The following USP54 variants were observed in gnomAD, a reference collection of about 807,000 sequenced individuals.
The protein encoded by USP54 is ubiquitin carboxyl-terminal hydrolase 54.
Under a neutral mutation model 170.5 loss-of-function variants are expected in USP54, and 87 were observed. The ratio of observed to expected loss-of-function variants is 0.51; its 90% CI spans 0.43 to 0.61. USP54 has a LOEUF of 0.61. Among genes scored for constraint, USP54 ranks in the 20% least tolerant of loss-of-function variants. USP54 has a pLI of 0.00. For synonymous variants in USP54, 655 were observed against 742.8 expected (o/e 0.88, Z 1.92); for missense variants, 1,786 against 2,047.8 (o/e 0.87, Z 2.47).
rs1451689800 is a variant in USP54 at position 73,614,447 on chromosome 10, G to C, written c.-18+11120C>G. Among the ~76,000 whole-genome samples the C allele has an allele frequency of 1.3e-5, 2 of 148,198 alleles. 1 individual carries two copies. On this transcript the variant is annotated intron_variant, in intron 1 of 22. Coordinates refer to the USP54 transcript ENST00000339859. ...GTAGTGGTATGCACCTGTAGTCCCAGCTACTCCAGAGGTTGAGGCAGAGAA... is the reference window on the plus strand; with the variant it reads ...GTAGTGGTATGCACCTGTAGTCCCACCTACTCCAGAGGTTGAGGCAGAGAA...
At chr10:73,570,550 CTTTTTT>C (rs554652532) in intron 4 of USP54, among the ~76,000 whole-genome samples, 2 of 132,264 alleles carry the variant, frequency 1.5e-5, no homozygotes, top group Non-Finnish European at 3.3e-5. Context: ...TTTCCTTTTT[CTTTTTT>C]TTTTTTTTTT....
rs193018106 is a variant in USP54, at chr10:73,533,351, T to C, written c.1315+1249A>G. Among the ~76,000 whole-genome samples, 118 of 152,224 alleles carry C rather than the reference T, an allele frequency of 7.8e-4. 2 individuals carry two copies. The highest frequency in any genetic ancestry group is 7.7e-4 in the East Asian group (4 of 5,190). On this transcript the variant is annotated intron_variant, in intron 12 of 23. Transcript: ENST00000687698. ...GCTATGTTTAAAAAGTGATTTCTTA[T>C]GTTTGAGCAAACATAAGATATATTT...
At chr10:73,583,963 A>C (rs2077183658) in intron 1 of USP54, among the ~76,000 whole-genome samples, 1 of 152,220 alleles carries the variant, frequency 6.6e-6, no homozygotes, top group Non-Finnish European at 1.5e-5. Flanking sequence ...TAAATTCAAA[A>C]TAAAAAACAT....
chr10:73,598,664 C>A (rs1002553750), intron 1 of USP54, among the ~76,000 whole-genome samples: 5 of 151,962 alleles, frequency 3.3e-5, no homozygotes, highest in South Asian at 2.1e-4. Flanking sequence ...GTAATCCCAG[C>A]ACTTTGGGAG....
In USP54 at chr10:73,508,793, G is replaced by C. The variant is rs558756924; in HGVS notation, c.4052-3367C>G. Among the ~76,000 whole-genome samples, 10 of 150,898 alleles carry C rather than the reference G, an allele frequency of 6.6e-5. No individual in the cohort carries two copies. The East Asian group carries it at 1.8e-3, about 27-fold the overall frequency. On this transcript the variant is annotated intron_variant, in intron 20 of 23. Coordinates refer to ENST00000687698, the MANE Select transcript of USP54 (RefSeq NM_001391956.1). ...AGGGATTCTCCTGCCTCAGCCTCCC[G>C]AGTAGCTGGGACTACAGGTGCATGC...
chr10:73,600,642 A>G (rs1268541970), intron 1 of USP54, among the ~76,000 whole-genome samples: 1 of 152,220 alleles, frequency 6.6e-6, no homozygotes, highest in East Asian at 1.9e-4. Flanking sequence ...GGCCAGGCGC[A>G]GGGGCTCGCG....
chr10:73,615,617 T>A (rs1157407186), intron 1 of USP54, among the ~76,000 whole-genome samples: 1 of 150,006 alleles, frequency 6.7e-6, no homozygotes, highest in Non-Finnish European at 1.5e-5. Context: ...CACAAAAAAA[T>A]AAAATATTTT....
chr10:73,557,395 A>G (rs1467574280), intron 4 of USP54, among the ~76,000 whole-genome samples: 3 of 151,254 alleles, frequency 2.0e-5, no homozygotes, highest in African/African-American at 4.9e-5. Context: ...AATCTCGCTC[A>G]CTGCAACCAC....
At chr10:73,607,037 C>T (rs2079703447) in intron 1 of USP54, among the ~76,000 whole-genome samples, 1 of 151,888 alleles carries the variant, frequency 6.6e-6, no homozygotes, top group Non-Finnish European at 1.5e-5. Context: ...TGACCAGGCA[C>T]AGAGGCTCAT....
At chr10:73,594,116 G>C (rs1457821443), upstream of USP54, among the ~76,000 whole-genome samples, 2 of 151,954 alleles carry the variant, frequency 1.3e-5, no homozygotes, top group Non-Finnish European at 2.9e-5. Flanking sequence ...TGTCACCCAG[G>C]CTGGAGTGCA....
At chr10:73,592,459 A>G (rs2132223908), upstream of USP54, among the ~76,000 whole-genome samples, 1 of 150,272 alleles carries the variant, frequency 6.7e-6, no homozygotes, top group East Asian at 2.0e-4. Context: ...TTTGGCCACA[A>G]GGAAAGTGCC....
intron 21 of USP54, 56 bp from the exon 22 acceptor site, chr10:73,505,046 CCA>C: frequency 1.2e-6 from 2 of 1,607,736 alleles, no homozygotes; most frequent in Non-Finnish European, 1.7e-6. Flanking sequence ...TATGGTTTTC[CCA>C]CAGACAGTAT....
chr10:73,562,472 T>G (rs1159207157), intron 4 of USP54, among the ~76,000 whole-genome samples: 1 of 152,242 alleles, frequency 6.6e-6, no homozygotes, highest in Non-Finnish European at 1.5e-5. Flanking sequence ...ACTTATCACA[T>G]GCATGTACCC....
In USP54 at chr10:73,541,740, T is replaced by G. The variant is rs2066634078; in HGVS notation, c.573-2A>C. On this transcript the variant is annotated splice_acceptor_variant, in intron 7 of 23. Coordinates refer to ENST00000687698, the MANE Select transcript of USP54 (RefSeq NM_001391956.1). LOFTEE classifies it high-confidence loss of function. ...TCCAGCATACAAATAGCCTGATTGC[T>G]TCAAGATGGGGAATAGAAGGGGGAT... The G allele has an allele frequency of 6.2e-7, 1 of 1,613,968 alleles. No individual in the cohort carries two copies. The highest frequency in any genetic ancestry group is 8.5e-7 in the Non-Finnish European group (1 of 1,179,872).
At chr10:73,622,361 T>TTGCC (rs1462236388) in intron 1 of USP54, among the ~76,000 whole-genome samples, 1 of 152,010 alleles carries the variant, frequency 6.6e-6, no homozygotes, top group African/African-American at 2.4e-5. Context: ...ATCTTGCCTG[T>TTGCC]TGCCTAGGTT....
intron 9 of USP54, among the ~76,000 whole-genome samples, chr10:73,540,862 T>G (rs775617458): frequency 2.0e-5 from 3 of 152,160 alleles, no homozygotes; most frequent in Non-Finnish European, 4.4e-5. Flanking sequence ...TTAATGACAT[T>G]AAAAAACAAT....
At chr10:73,589,485 T>C (rs376210237) in intron 1 of USP54, among the ~76,000 whole-genome samples, 6 of 152,228 alleles carry the variant, frequency 3.9e-5, no homozygotes, top group Non-Finnish European at 5.9e-5. Flanking sequence ...AGTTACCCTA[T>C]ATAATAACCT....
rs560439307 is a variant in USP54, at chr10:73,604,227, G to A, written c.-18+21340C>T. Among the ~76,000 whole-genome samples, 6 of 152,086 alleles carry A rather than the reference G, an allele frequency of 3.9e-5. 1 individual carries two copies. In the South Asian group the frequency reaches 1.2e-3, roughly 32 times the overall value. On this transcript the variant is annotated intron_variant, in intron 1 of 22. Transcript: ENST00000339859. ...TCGCACCACTGACTCCAGCCTGGGC[G>A]ACAGAGCGAGAGTCCATCTCAAAAA...
At position 73,617,313 on chromosome 10, in the gene USP54, C is replaced by A. The variant is rs1189757735; in HGVS notation, c.-18+8254G>T. Among the ~76,000 whole-genome samples, 2 of 147,978 alleles carry A rather than the reference C, an allele frequency of 1.4e-5. 1 individual carries two copies. The highest frequency in any genetic ancestry group is 5.2e-5 in the African/African-American group (2 of 38,458). The stretch of plus-strand genomic sequence containing the variant: ...CCCTGTCTCAAAAAAAAAAAATTAG[C>A]CAGGCGGTGGCGCATGCCTGTAATC... On this transcript the variant is annotated intron_variant, in intron 1 of 22. Transcript: ENST00000339859.
Sources: allele counts gnomAD v4.1 joint callset (sites outside exome capture counted in the v4.1 genomes callset), GRCh38; gene constraint gnomAD v4.1.1; transcripts MANE v1.5; gene names NCBI Gene and HGNC (gene_info 2026-07-23, HGNC 2026-07-21).